SSR2: variants seen among roughly 807,000 people sequenced by gnomAD.
SSR2 encodes the protein signal sequence receptor subunit 2.
A neutral mutation model predicts 22.6 loss-of-function variants in SSR2; 16 were observed. The observed-to-expected ratio is 0.71, with a 90% confidence interval of 0.48 to 1.08. The LOEUF is 1.08. Ranked by LOEUF, SSR2 falls within the 50% of genes least tolerant of loss-of-function variation. The probability of loss-of-function intolerance (pLI) is 0.00; values close to 1 mark genes in which losing one functional copy is unlikely to be tolerated. For synonymous variants in SSR2, 83 were observed against 91.2 expected (o/e 0.91, Z 0.51); for missense variants, 171 against 221.6 (o/e 0.77, Z 1.45).
At chr1:156,014,052 T>C (rs1378741863) in intron 4 of SSR2, 1 of 152,248 alleles carries the variant, frequency 6.6e-6, no homozygotes, top group Non-Finnish European at 1.5e-5. Flanking sequence ...TAGTAGCTAC[T>C]GTGTAAATTT....
At chr1:156,012,558 G>A in intron 4 of SSR2, 1 of 456,272 alleles carries the variant, frequency 2.2e-6, no homozygotes, top group Non-Finnish European at 4.4e-6. Context: ...AGAGTCCTGA[G>A]GTTGGTTCTG....
At position 156,009,633 on chromosome 1, in the gene SSR2, A is replaced by G; in HGVS notation, c.459T>C (p.Phe153=). The change falls in exon 6 of 6, where the codon TTT becomes TTC. Residue 153 remains phenylalanine (F), a synonymous_variant. Transcript: ENST00000295702. Reference sequence around the variant, plus strand: ...CGATGGAGGGAAGGGTCATGACCCCAAAGGCTGCCCAGTCCAGCTGTAAAG... The same window carrying G: ...CGATGGAGGGAAGGGTCATGACCCCGAAGGCTGCCCAGTCCAGCTGTAAAG... ...FSPHFLDWAA[F]GVMTLPSIGI... is the part of the protein sequence containing the mutation. The G allele has an allele frequency of 6.2e-7, 1 of 1,610,984 alleles. No individual in the cohort carries two copies.
At chr1:156,013,727 G>T (rs566354334) in intron 4 of SSR2, 1 of 153,602 alleles carries the variant, frequency 6.5e-6, no homozygotes, top group South Asian at 2.1e-4. Flanking sequence ...CTGGAGGGGG[G>T]TGCAGTGAGA....
At chr1:156,019,988 C>T (rs1683123381) in intron 2 of SSR2, 25 bp downstream of exon 2, 1 of 1,604,632 alleles carries the variant, frequency 6.2e-7, no homozygotes, top group African/African-American at 1.3e-5. Context: ...TAGGCTTAAT[C>T]TGTAACTCTA....
chr1:156,015,277 G>A (rs1683034803), intron 3 of SSR2, among the ~76,000 whole-genome samples: 1 of 151,780 alleles, frequency 6.6e-6, no homozygotes, highest in Middle Eastern at 3.4e-3. Flanking sequence ...AGGCCGAGGC[G>A]GGTGGATTGG....
chr1:156,009,172 G>A lies in SSR2; in HGVS notation c.*368C>T, dbSNP rs1682946415. On this transcript the variant is annotated 3_prime_UTR_variant, in exon 6 of 6. Transcript: ENST00000295702. ...TCATCTTCCACCCTCTTCTGAGAGG[G>A]GGAGGCAGGGGATAGGGGTGGTGTC... 5.1e-6 allele frequency: 1 copy of A among 195,252 alleles called. No homozygotes were observed. Among genetic ancestry groups the A allele is most frequent in the Non-Finnish European group, 1.0e-5 (1 of 96,878 alleles). The allele number at this position is 195,252 out of a possible 1,614,324, so 12.1% of individuals were successfully genotyped here.
Position 156,018,349 on chromosome 1 carries a change from G to C in SSR2, c.175C>G (p.Leu59Val), listed in dbSNP as rs1683092765. Residue 59 changes from leucine to valine, a missense_variant, in exon 3 of 6, where the codon CTA (leucine) becomes GTA (valine). By Grantham distance (32) the Leu-to-Val change is conservative. Coordinates refer to ENST00000295702, the MANE Select transcript of SSR2 (RefSeq NM_003145.4). ...TCTGGAGGGAAGGAATCATCAGATAGTTCCACGTCTAATGCAGCACTAGAA... is the reference window on the plus strand; with the variant it reads ...TCTGGAGGGAAGGAATCATCAGATACTTCCACGTCTAATGCAGCACTAGAA... ...VGSSAALDVE[L>V]SDDSFPPEDF... is the part of the protein sequence containing the mutation. The C allele has an allele frequency of 1.2e-6, 2 of 1,613,184 alleles. No individual in the cohort carries two copies. Among genetic ancestry groups the C allele is most frequent in the East Asian group, 2.2e-5 (1 of 44,858 alleles).
intron 2 of SSR2, chr1:156,019,258 T>G: frequency 2.2e-6 from 1 of 454,034 alleles, no homozygotes; most frequent in Admixed American, 2.4e-5. Flanking sequence ...TTTTTCTTCA[T>G]GTACATGCCT....
intron 4 of SSR2, 27 bp from the exon 5 acceptor site, chr1:156,011,914 AG>A: frequency 1.3e-6 from 2 of 1,588,224 alleles, no homozygotes; most frequent in Non-Finnish European, 1.7e-6. Context: ...AACGACATTA[AG>A]GGAAGTCCAC....
intron 3 of SSR2, among the ~76,000 whole-genome samples, chr1:156,015,319 A>T (rs1284018851): frequency 2.6e-5 from 4 of 151,584 alleles, no homozygotes; most frequent in Non-Finnish European, 5.9e-5. Flanking sequence ...CAGCCTGGGC[A>T]ACACGGTGAA....
chr1:156,020,379 A>G lies in SSR2; in HGVS notation c.1-212T>C, dbSNP rs139854901. On this transcript the variant is annotated intron_variant, in intron 1 of 5. Coordinates refer to ENST00000295702, the MANE Select transcript of SSR2 (RefSeq NM_003145.4). The stretch of plus-strand genomic sequence containing the variant: ...CCTCGAAAAACCGGTACAAGCACCA[A>G]TATATCTACTGCCCTCTTCCTGTCA... 8.3e-5 allele frequency: 44 copies of G among 530,132 alleles called. 1 individual carries two copies. The highest frequency in any genetic ancestry group is 7.5e-4 in the African/African-American group (39 of 52,234). The allele number at this position is 530,132 out of a possible 1,614,324, so 32.8% of individuals were successfully genotyped here.
intron 2 of SSR2, 73 bp downstream of exon 2, chr1:156,019,940 T>C (rs1196484045): frequency 2.0e-6 from 3 of 1,523,968 alleles, no homozygotes; most frequent in South Asian, 1.2e-5. Context: ...CCCACCAATA[T>C]GCTCCCTATT....
At chr1:156,016,383 G>A (rs1036305684) in intron 3 of SSR2, among the ~76,000 whole-genome samples, 5 of 151,710 alleles carry the variant, frequency 3.3e-5, no homozygotes, top group South Asian at 2.1e-4. Context: ...ACAGGCGCCC[G>A]CCACCACGCC....
At chr1:156,018,565 G>T (rs538768792) in intron 2 of SSR2, among the ~76,000 whole-genome samples, 197 bp from the exon 3 acceptor site, 2 of 149,898 alleles carry the variant, frequency 1.3e-5, no homozygotes, top group Middle Eastern at 7.1e-3. Flanking sequence ...AAAATTAGCT[G>T]GGCGCGGTGG....
intron 4 of SSR2, chr1:156,012,841 T>C: frequency 4.1e-6 from 1 of 246,796 alleles, no homozygotes; most frequent in Non-Finnish European, 8.3e-6. Flanking sequence ...GACAGTATAT[T>C]AATCCTCTTG....
intron 5 of SSR2, chr1:156,010,108 G>A: frequency 6.4e-6 from 1 of 155,672 alleles, no homozygotes; most frequent in Non-Finnish European, 1.4e-5. Flanking sequence ...GGCTGGAGTG[G>A]AGTGGCATGG....
chr1:156,015,233 T>C (rs1002818383), intron 3 of SSR2, among the ~76,000 whole-genome samples, 164 bp from the exon 4 acceptor site: 1 of 151,904 alleles, frequency 6.6e-6, no homozygotes, highest in Non-Finnish European at 1.5e-5. Context: ...TTGCCGGGCA[T>C]GGTGGCTCAC....
At chr1:156,010,326 G>A (rs1026242052) in intron 5 of SSR2, 2 of 151,986 alleles carry the variant, frequency 1.3e-5, no homozygotes, top group African/African-American at 4.8e-5. Flanking sequence ...CAAAGTGCTG[G>A]AATTACAGGT....
chr1:156,016,804 G>A (rs922977461), intron 3 of SSR2, among the ~76,000 whole-genome samples: 2 of 152,080 alleles, frequency 1.3e-5, no homozygotes, highest in African/African-American at 4.8e-5. Context: ...AATGATATGA[G>A]TTCTCACAAG....
Sources: allele counts gnomAD v4.1 joint callset (sites outside exome capture counted in the v4.1 genomes callset), GRCh38; gene constraint gnomAD v4.1.1; transcripts MANE v1.5; gene names NCBI Gene and HGNC (gene_info 2026-07-23, HGNC 2026-07-21).